The following MYH11 variants were observed in gnomAD, a reference collection of about 807,000 sequenced individuals.
MYH11 encodes myosin-11.
A neutral mutation model predicts 246.6 loss-of-function variants in MYH11; 80 were observed. The observed-to-expected ratio is 0.32, with a 90% CI of 0.27 to 0.39. The LOEUF (loss-of-function observed/expected upper bound fraction) is 0.39, where lower values mean the gene tolerates loss of function less well. Among genes scored for constraint, MYH11 ranks in the 10% least tolerant of loss-of-function variants. The pLI is 1.00. For synonymous variants in MYH11, 1,071 were observed against 1,015.5 expected, an observed-to-expected ratio of 1.05 and a Z score of -1.04; for missense variants, 2,158 against 2,546.8, an observed-to-expected ratio of 0.85 and a Z score of 3.29.
intron 2 of MYH11, among the ~76,000 whole-genome samples, chr16:15,830,134 C>CA (rs5815844): frequency 0.76 from 112,822 of 147,978 alleles, 43,329 homozygotes; most frequent in Non-Finnish European, 0.83. Flanking sequence ...GACTTGGTCT[C>CA]AAAAAAAAAA....
chr16:15,856,031 C>T (rs2044458386), intron 1 of MYH11, among the ~76,000 whole-genome samples: 1 of 152,280 alleles, frequency 6.6e-6, no homozygotes, highest in Admixed American at 6.5e-5. Context: ...AAACTTACAA[C>T]AGGCAGTAGC....
At chr16:15,811,224 A>T (rs2043130632) in intron 3 of MYH11, among the ~76,000 whole-genome samples, 1 of 152,180 alleles carries the variant, frequency 6.6e-6, no homozygotes, top group African/African-American at 2.4e-5. Context: ...CGAGAAACAA[A>T]TATCTGTTTA....
At chr16:15,848,822 G>A (rs1417998948) in intron 1 of MYH11, among the ~76,000 whole-genome samples, 3 of 152,116 alleles carry the variant, frequency 2.0e-5, no homozygotes, top group Admixed American at 6.6e-5. Flanking sequence ...AACTCAACTC[G>A]GAATACCAAC....
chr16:15,760,762 C>G (rs2041850641), intron 10 of MYH11, 104 bp from the exon 11 acceptor site: 1 of 878,132 alleles, frequency 1.1e-6, no homozygotes, highest in Non-Finnish European at 2.0e-6. Context: ...AGCGGGTTCT[C>G]TTGGGGAAAT....
Position 15,776,748 on chromosome 16 carries a change from G to A in MYH11, c.791-572C>T, listed in dbSNP as rs142512532. Reference sequence around the variant, plus strand: ...CTCTGTTCCAAGAGTGGGGTCTGACGGGATGGAGGCGAGAGAGACCGTAAA... The same window carrying A: ...CTCTGTTCCAAGAGTGGGGTCTGACAGGATGGAGGCGAGAGAGACCGTAAA... On this transcript the variant is annotated intron_variant, in intron 7 of 40. Transcript: ENST00000300036. Among the ~76,000 whole-genome samples, 263 of 152,292 alleles carry A rather than the reference G, an allele frequency of 1.7e-3. 3 individuals carry two copies. Among genetic ancestry groups the A allele is most frequent in the Middle Eastern group, 0.01 (3 of 294 alleles).
In MYH11 at chr16:15,750,128, C is replaced by T. The variant is rs757874059; in HGVS notation, c.2058+10G>A. Reference sequence around the variant, plus strand: ...TCTGGGAGCCCCAGGGTCTGGGCGGCGGGCCTCACCCTCTTCTCGTGGTTG... The same window carrying T: ...TCTGGGAGCCCCAGGGTCTGGGCGGTGGGCCTCACCCTCTTCTCGTGGTTG... On this transcript the variant is annotated intron_variant, in intron 16 of 40. Coordinates refer to ENST00000300036, the MANE Select transcript of MYH11 (RefSeq NM_002474.3). The surrounding 1 kb of genome is among the most constrained non-coding windows in gnomAD (Gnocchi z 4.3). 1.7e-5 allele frequency: 28 copies of T among 1,613,814 alleles called. No homozygotes were observed. Among genetic ancestry groups the T allele is most frequent in the Admixed American group, 5.0e-5 (3 of 60,008 alleles).
intron 11 of MYH11, among the ~76,000 whole-genome samples, chr16:15,760,097 A>C (rs890924417): frequency 4.2e-5 from 6 of 143,932 alleles, no homozygotes; most frequent in African/African-American, 1.5e-4. Flanking sequence ...GCTCTGGCTC[A>C]AAAACAAAAA....
chr16:15,784,740 T>C, intron 5 of MYH11: 1 of 1,613,700 alleles, frequency 6.2e-7, no homozygotes, highest in Non-Finnish European at 8.5e-7. Flanking sequence ...CAACACAGTA[T>C]AAAACAAATG....
At position 15,823,337 on chromosome 16, in the gene MYH11, G is replaced by T; in HGVS notation, c.420C>A (p.Asp140Glu). The change falls in exon 3 of 41, where the codon GAC becomes GAA. Residue 140 changes from aspartate (D) to glutamate (E), a missense_variant. Asp to Glu is a conservative substitution (Grantham distance 45, BLOSUM62 2). Coordinates refer to ENST00000300036, the MANE Select transcript of MYH11 (RefSeq NM_002474.3). ...CGTGCCTCTTCTTGCCCTTGTACAT[G>T]TCGACGATCTTCTCCGAGTAGATGG... is the stretch of plus-strand genomic sequence containing the variant. ...HLPIYSEKIV[D>E]MYKGKKRHEM... The T allele has an allele frequency of 1.9e-6, 3 of 1,614,184 alleles. No homozygotes were observed. Among genetic ancestry groups the T allele is most frequent in the Non-Finnish European group, 2.5e-6 (3 of 1,180,038 alleles).
At position 15,750,083 on chromosome 16, in the gene MYH11, C is replaced by T. The variant is rs752052697; in HGVS notation, c.2058+55G>A. On this transcript the variant is annotated intron_variant, in intron 16 of 40. Coordinates refer to ENST00000300036, the MANE Select transcript of MYH11 (RefSeq NM_002474.3). This position sits in a 1 kb window ranked among gnomAD's most constrained non-coding sequence, Gnocchi z 4.3. ...GAGGGCGCCCTGGGGACGCTGTGAC[C>T]GCTTGGGACAGCCCTGGCTTCTGGG... 169 of 1,605,038 alleles carry T rather than the reference C, an allele frequency of 1.1e-4. No individual in the cohort carries two copies. The highest frequency in any genetic ancestry group is 1.4e-4 in the Non-Finnish European group (163 of 1,173,800).
At chr16:15,799,953 C>T (rs181683407) in intron 3 of MYH11, among the ~76,000 whole-genome samples, 55 of 147,828 alleles carry the variant, frequency 3.7e-4, no homozygotes, top group African/African-American at 1.2e-3. Flanking sequence ...GATGAGTGGA[C>T]GGAAGGAAGG....
At chr16:15,842,498 A>G (rs1269902270) in intron 1 of MYH11, among the ~76,000 whole-genome samples, 1 of 152,056 alleles carries the variant, frequency 6.6e-6, no homozygotes, top group African/African-American at 2.4e-5. Context: ...GCGGTGGCTC[A>G]CACCTGTAAT....
At chr16:15,717,479 C>T (rs375770278) in intron 37 of MYH11, 131 bp from the exon 38 acceptor site, 1 of 907,590 alleles carries the variant, frequency 1.1e-6, no homozygotes, top group Admixed American at 2.2e-5. Context: ...TCCTCTCCTT[C>T]ATCCTGTAAA....
intron 9 of MYH11, among the ~76,000 whole-genome samples, chr16:15,769,171 TG>T (rs1461305444): frequency 2.6e-5 from 4 of 151,798 alleles, no homozygotes; most frequent in Admixed American, 2.6e-4. Flanking sequence ...AAAAAATTAG[TG>T]GGGCATGGTG....
rs2041720440 is a variant in MYH11, at chr16:15,756,496, G to A, written c.1594C>T (p.Leu532=). 6.2e-7 allele frequency: 1 copy of A among 1,614,190 alleles called. No individual in the cohort carries two copies. Among genetic ancestry groups the A allele is most frequent in the Non-Finnish European group, 8.5e-7 (1 of 1,180,036 alleles). Reference sequence around the variant, plus strand: ...CAGCATTCCTCGTCCAGCAGGGCCAGCACACCTGGAGGGTTGTTCTGTGGG... The same window carrying A: ...CAGCATTCCTCGTCCAGCAGGGCCAACACACCTGGAGGGTTGTTCTGTGGG... ...IERPNNPPGV[L]ALLDEECWFP... Residue 532 remains leucine, a synonymous_variant, in exon 14 of 41, where the codon CTG becomes TTG. Coordinates refer to ENST00000300036, the MANE Select transcript of MYH11 (RefSeq NM_002474.3).
intron 20 of MYH11, among the ~76,000 whole-genome samples, chr16:15,743,740 G>C (rs1206572223): frequency 6.6e-6 from 1 of 152,202 alleles, no homozygotes; most frequent in African/African-American, 2.4e-5. Flanking sequence ...AGGGACCATG[G>C]TGTGTGTTCA....
At chr16:15,788,095 TACCAAGATGGC>T (rs2042520202) in intron 4 of MYH11, among the ~76,000 whole-genome samples, 4 of 99,488 alleles carry the variant, frequency 4.0e-5, no homozygotes, top group African/African-American at 6.9e-5. Flanking sequence ...TTTTTTTTTT[TACCAAGATGGC>T]TTTCGTGCAC....
intron 8 of MYH11, 34 bp from the exon 9 acceptor site, chr16:15,771,746 A>C (rs1260476215): frequency 6.2e-7 from 1 of 1,613,568 alleles, no homozygotes; most frequent in Non-Finnish European, 8.5e-7. Flanking sequence ...AGGGTCAATA[A>C]GACATACTTC....
At chr16:15,760,349 AATGGATGGATGG>A (rs61612274) in intron 11 of MYH11, among the ~76,000 whole-genome samples, 179 bp downstream of exon 11, 105 of 151,668 alleles carry the variant, frequency 6.9e-4, no homozygotes, top group Middle Eastern at 3.4e-3. Flanking sequence ...TGGGCAGATG[AATGGATGGATGG>A]ATGGATGGAT....
Sources: gnomAD v4.1 joint callset for allele counts (sites outside exome capture counted in the v4.1 genomes callset) on GRCh38, gnomAD v4.1.1 for gene constraint, Gnocchi (gnomAD v3.1) non-coding constraint, MANE v1.5 for transcripts, NCBI Gene and HGNC (gene_info 2026-07-23, HGNC 2026-07-21) for gene names.